AKR1C4: variants seen among roughly 807,000 people sequenced by gnomAD.
AKR1C4 encodes the protein 3-alpha-HSD1.
Under a neutral mutation model 41.0 loss-of-function variants are expected in AKR1C4, and 44 were observed. The observed-to-expected ratio is 1.07, with a 90% CI of 0.84 to 1.38. The LOEUF is 1.38. Among genes scored for constraint, AKR1C4 ranks in the 40% most tolerant of loss-of-function variants. The probability of loss-of-function intolerance (pLI) is 0.00; values close to 1 mark genes in which losing one functional copy is unlikely to be tolerated. For synonymous variants in AKR1C4, 165 were observed against 137.7 expected (o/e 1.20, Z -1.39); for missense variants, 438 against 387.9 (o/e 1.13, Z -1.09).
At chr10:5,199,175 G>C (rs1832358740) in intron 1 of AKR1C4, among the ~76,000 whole-genome samples, 1 of 152,094 alleles carries the variant, frequency 6.6e-6, no homozygotes, top group South Asian at 2.1e-4. Flanking sequence ...TTACTAACCA[G>C]GAAAGACTTC....
chr10:5,199,383 C>T (rs1266684049), intron 1 of AKR1C4, among the ~76,000 whole-genome samples: 16 of 152,022 alleles, frequency 1.1e-4, no homozygotes, highest in African/African-American at 3.1e-4. Flanking sequence ...TCCCTGGCTA[C>T]GGCTCCACCG....
intron 1 of AKR1C4, among the ~76,000 whole-genome samples, chr10:5,198,235 T>C (rs1324805514): frequency 6.6e-6 from 1 of 152,200 alleles, no homozygotes; most frequent in East Asian, 1.9e-4. Flanking sequence ...TGTATGTCTT[T>C]ACTCCTAGTA....
intron 8 of AKR1C4, 138 bp downstream of exon 8, chr10:5,216,931 C>G: frequency 1.6e-6 from 1 of 610,762 alleles, no homozygotes; most frequent in South Asian, 2.2e-5. Context: ...CTGGAACTCT[C>G]CTTCTGGATT....
At chr10:5,200,441 A>G in intron 2 of AKR1C4, 93 bp downstream of exon 2, 6 of 1,499,338 alleles carry the variant, frequency 4.0e-6, no homozygotes, top group Non-Finnish European at 5.3e-6. Flanking sequence ...TTGTGGGTGA[A>G]TTGTGCTTAT....
At chr10:5,206,237 A>G in intron 4 of AKR1C4, 38 bp from the exon 5 acceptor site, 1 of 1,613,620 alleles carries the variant, frequency 6.2e-7, no homozygotes, top group Non-Finnish European at 8.5e-7. Context: ...TCTGCAGCCA[A>G]CTGCACAAAT....
rs115705941 is a variant in AKR1C4 at position 5,199,716 on chromosome 10, T to C, written c.85-465T>C. ...GCAGCCGGACTCTAGGGGAAAACGTTCCTACTCCATCCCCTTCTGACTTCC... is the reference window on the plus strand; with the variant it reads ...GCAGCCGGACTCTAGGGGAAAACGTCCCTACTCCATCCCCTTCTGACTTCC... On this transcript the variant is annotated intron_variant, in intron 1 of 8. Transcript: ENST00000263126. Among the ~76,000 whole-genome samples, 154 of 152,146 alleles carry C rather than the reference T, an allele frequency of 1.0e-3. 1 individual carries two copies. Among genetic ancestry groups the C allele is most frequent in the African/African-American group, 3.5e-3 (145 of 41,478 alleles).
intron 8 of AKR1C4, among the ~76,000 whole-genome samples, chr10:5,218,454 T>A (rs1414242851): frequency 6.6e-6 from 1 of 152,012 alleles, no homozygotes; most frequent in Non-Finnish European, 1.5e-5. Flanking sequence ...TTGACAGATA[T>A]GGAGGACTAT....
At chr10:5,206,503 A>T (rs916664632) in intron 5 of AKR1C4, 106 bp downstream of exon 5, 163 of 1,561,122 alleles carry the variant, frequency 1.0e-4, no homozygotes, top group Non-Finnish European at 1.4e-4. Flanking sequence ...GAAACAGAAG[A>T]TTCTAGAAAG....
At chr10:5,210,495 C>T (rs1279465917) in intron 5 of AKR1C4, among the ~76,000 whole-genome samples, 1 of 152,220 alleles carries the variant, frequency 6.6e-6, no homozygotes, top group Non-Finnish European at 1.5e-5. Flanking sequence ...ACTGCCCTAG[C>T]AGAAGTTCAC....
At chr10:5,211,493 C>T (rs1240311825) in intron 5 of AKR1C4, among the ~76,000 whole-genome samples, 2 of 152,170 alleles carry the variant, frequency 1.3e-5, no homozygotes, top group African/African-American at 2.4e-5. Flanking sequence ...TCTGCTAAAA[C>T]ATAACAAGAG....
intron 7 of AKR1C4, among the ~76,000 whole-genome samples, chr10:5,215,135 G>C (rs375597122): frequency 1.3e-5 from 2 of 152,168 alleles, no homozygotes; most frequent in African/African-American, 4.8e-5. Context: ...AGTTAAACTG[G>C]TGTGTACATG....
At chr10:5,208,533 G>T (rs1832522791) in intron 5 of AKR1C4, among the ~76,000 whole-genome samples, 1 of 151,424 alleles carries the variant, frequency 6.6e-6, no homozygotes, top group Non-Finnish European at 1.5e-5. Flanking sequence ...GAGTATATCT[G>T]CATCAATACA....
intron 1 of AKR1C4, among the ~76,000 whole-genome samples, chr10:5,197,634 G>T (rs1832331244): frequency 6.6e-6 from 1 of 152,252 alleles, no homozygotes; most frequent in Non-Finnish European, 1.5e-5. Flanking sequence ...TGACACGGAA[G>T]TGGGCAAAAT....
chr10:5,216,563 T>C (rs1024500562), intron 7 of AKR1C4, 148 bp from the exon 8 acceptor site: 1 of 585,324 alleles, frequency 1.7e-6, no homozygotes, highest in Non-Finnish European at 3.0e-6. Context: ...TTTAATCACT[T>C]GAGAGTTTAG....
At position 5,200,238 on chromosome 10, in the gene AKR1C4, C is replaced by A; in HGVS notation, c.142C>A (p.His48Asn). 6.2e-7 allele frequency: 1 copy of A among 1,614,162 alleles called. No homozygotes were observed. Among genetic ancestry groups the A allele is most frequent in the Non-Finnish European group, 8.5e-7 (1 of 1,179,978 alleles). ...TKLAIEAGFR[H>N]IDSAYLYNNE... ...ATTAGCAATAGAAGCTGGCTTCCGC[C>A]ATATTGATTCTGCTTATTTATACAA... The change falls in exon 2 of 9, where the codon CAT (histidine) becomes AAT (asparagine). Residue 48 changes from histidine (H) to asparagine (N), a missense_variant. His to Asn is a moderately conservative substitution (Grantham distance 68, BLOSUM62 1). Transcript: ENST00000263126.
intron 1 of AKR1C4, among the ~76,000 whole-genome samples, chr10:5,197,923 G>T (rs1176928332): frequency 6.6e-6 from 1 of 152,062 alleles, no homozygotes; most frequent in Non-Finnish European, 1.5e-5. Context: ...AGAGGATCAG[G>T]GTTGGCATCA....
At chr10:5,216,685 A>G in intron 7 of AKR1C4, 26 bp from the exon 8 acceptor site, 1 of 1,562,476 alleles carries the variant, frequency 6.4e-7, no homozygotes, top group Non-Finnish European at 8.8e-7. Flanking sequence ...CAATCTAAGA[A>G]TAAACATTTT....
intron 5 of AKR1C4, 89 bp from the exon 6 acceptor site, chr10:5,212,527 A>G (rs1296032222): frequency 2.1e-5 from 25 of 1,173,756 alleles, no homozygotes; most frequent in Middle Eastern, 5.8e-4. Flanking sequence ...TTCAAATTTA[A>G]TGTTATACTT....
At chr10:5,197,894 G>A (rs1832335795) in intron 1 of AKR1C4, among the ~76,000 whole-genome samples, 1 of 152,194 alleles carries the variant, frequency 6.6e-6, no homozygotes, top group Admixed American at 6.5e-5. Context: ...GGTAAACCTT[G>A]AGTGCCTGCA....
Sources: allele counts gnomAD v4.1 joint callset (sites outside exome capture counted in the v4.1 genomes callset), GRCh38; gene constraint gnomAD v4.1.1; transcripts MANE v1.5; gene names NCBI Gene and HGNC (gene_info 2026-07-23, HGNC 2026-07-21).